NUDCD3: variants seen among roughly 807,000 people sequenced by gnomAD.
NUDCD3 encodes nudC domain-containing protein 3.
NUDCD3 carries 13 observed loss-of-function variants against 39.7 expected under a neutral mutation model. The ratio of observed to expected loss-of-function variants is 0.33; its 90% confidence interval spans 0.21 to 0.52. The LOEUF is 0.52. Ranked by LOEUF, NUDCD3 falls within the 20% of genes least tolerant of loss-of-function variation. The pLI, the probability that NUDCD3 is intolerant of heterozygous loss-of-function variation, is 0.96. For missense variants in NUDCD3, 453 were observed against 458.1 expected, an observed-to-expected ratio of 0.99 and a Z score of 0.10; for synonymous variants, 175 against 172.4, an observed-to-expected ratio of 1.02 and a Z score of -0.12.
intron 2 of NUDCD3, among the ~76,000 whole-genome samples, chr7:44,469,205 G>A (rs1800201476): frequency 6.8e-6 from 1 of 148,058 alleles, no homozygotes; most frequent in Non-Finnish European, 1.5e-5. Flanking sequence ...TCAACCCTAT[G>A]AGGAAGTGAC....
chr7:44,427,460 A>G, intron 3 of NUDCD3, 111 bp downstream of exon 3: 1 of 1,210,742 alleles, frequency 8.3e-7, no homozygotes, highest in Non-Finnish European at 1.2e-6. Context: ...AACACACCTC[A>G]CATCCTAAAG....
intron 2 of NUDCD3, among the ~76,000 whole-genome samples, chr7:44,457,560 T>C (rs1213949211): frequency 6.6e-6 from 1 of 152,090 alleles, no homozygotes; most frequent in Non-Finnish European, 1.5e-5. Context: ...CCATCTACAA[T>C]AGACTCAAAA....
chr7:44,482,957 T>C (rs1338605831), intron 2 of NUDCD3, among the ~76,000 whole-genome samples: 1 of 152,154 alleles, frequency 6.6e-6, no homozygotes, highest in Non-Finnish European at 1.5e-5. Context: ...AAGAAGTTAC[T>C]AGATGAGTTT....
chr7:44,460,953 G>T (rs926404237), intron 2 of NUDCD3, among the ~76,000 whole-genome samples: 1 of 152,182 alleles, frequency 6.6e-6, no homozygotes, highest in Non-Finnish European at 1.5e-5. Flanking sequence ...TTTTAAAAAT[G>T]TATTTGAACG....
At chr7:44,470,501 C>T (rs1308915708) in intron 2 of NUDCD3, among the ~76,000 whole-genome samples, 1 of 152,244 alleles carries the variant, frequency 6.6e-6, no homozygotes, top group Non-Finnish European at 1.5e-5. Flanking sequence ...TCAGATGCTG[C>T]TTCCACAGCA....
At chr7:44,402,768 C>T in intron 4 of NUDCD3, 1 of 449,018 alleles carries the variant, frequency 2.2e-6, no homozygotes, top group Non-Finnish European at 4.5e-6. Context: ...CTATCACGAC[C>T]TCTCAGTCCA....
chr7:44,397,263 C>T (rs943574189), intron 4 of NUDCD3, among the ~76,000 whole-genome samples: 1 of 152,340 alleles, frequency 6.6e-6, no homozygotes, highest in African/African-American at 2.4e-5. Flanking sequence ...AGGCAGACCA[C>T]ACACTTGTTT....
chr7:44,451,665 A>G (rs1469213435), intron 2 of NUDCD3, among the ~76,000 whole-genome samples: 3 of 152,030 alleles, frequency 2.0e-5, no homozygotes, highest in Admixed American at 1.3e-4. Context: ...GTCCGAAGAA[A>G]CTTCTGGGGG....
At chr7:44,445,994 C>T (rs768697345) in intron 2 of NUDCD3, among the ~76,000 whole-genome samples, 12 of 152,222 alleles carry the variant, frequency 7.9e-5, no homozygotes, top group Non-Finnish European at 1.6e-4. Flanking sequence ...AACAACACTT[C>T]CATTGCAGAA....
intron 2 of NUDCD3, among the ~76,000 whole-genome samples, chr7:44,453,401 T>C (rs1034787410): frequency 1.3e-5 from 2 of 151,914 alleles, no homozygotes; most frequent in African/African-American, 2.4e-5. Flanking sequence ...AAATAAACAA[T>C]GTCCATAGAA....
chr7:44,381,248 A>G lies in NUDCD3; in HGVS notation c.*4763T>C, dbSNP rs1798300416. Reference sequence around the variant, plus strand: ...ACAGTCCACTGGGAATGGGGCCTGCAGTGGCCCTGGATGATTTCAGTATCT... The same window carrying G: ...ACAGTCCACTGGGAATGGGGCCTGCGGTGGCCCTGGATGATTTCAGTATCT... On this transcript the variant is annotated 3_prime_UTR_variant, in exon 6 of 6. Coordinates refer to ENST00000355451, the MANE Select transcript of NUDCD3 (RefSeq NM_015332.4). 6.6e-6 allele frequency: 1 copy of G among 152,350 alleles called. No homozygotes were observed. The highest frequency in any genetic ancestry group is 1.5e-5 in the Non-Finnish European group (1 of 68,156). 9.4% of individuals were successfully genotyped at this position (152,350 alleles called of 1,614,324 possible).
intron 3 of NUDCD3, among the ~76,000 whole-genome samples, chr7:44,406,289 A>G (rs1034384164): frequency 2.6e-5 from 4 of 152,234 alleles, no homozygotes; most frequent in Non-Finnish European, 4.4e-5. Flanking sequence ...GACCTTTCAT[A>G]GGGGAATTTA....
At chr7:44,484,053 G>A (rs191998788) in intron 2 of NUDCD3, among the ~76,000 whole-genome samples, 9 of 152,232 alleles carry the variant, frequency 5.9e-5, no homozygotes, top group Admixed American at 2.0e-4. Context: ...CCCAAAACAC[G>A]TCAGAAAGAG....
intron 3 of NUDCD3, among the ~76,000 whole-genome samples, chr7:44,423,257 C>T (rs556054240): frequency 1.3e-5 from 2 of 152,336 alleles, no homozygotes; most frequent in African/African-American, 4.8e-5. Context: ...TCTCTCACCA[C>T]TCCTATTCAA....
Position 44,404,349 on chromosome 7 carries a change from C to A in NUDCD3, c.786+91G>T, listed in dbSNP as rs541241965. 16 of 1,344,744 alleles carry A rather than the reference C, an allele frequency of 1.2e-5. No homozygotes were observed. In the African/African-American group the frequency reaches 2.2e-4, roughly 18 times the overall value. 83.3% of individuals were successfully genotyped at this position (1,344,744 alleles called of 1,614,324 possible). A position where few individuals can be genotyped will look rare whatever the true frequency, so the allele number is the denominator to read the frequency against. On this transcript the variant is annotated intron_variant, in intron 4 of 5. Coordinates refer to ENST00000355451, the MANE Select transcript of NUDCD3 (RefSeq NM_015332.4). ...GCAGCTGAAATTAACAACCTCACTG[C>A]TTAAGTGTAAATAGGCTTGTTGGTC...
At chr7:44,422,686 C>T (rs528653477) in intron 3 of NUDCD3, among the ~76,000 whole-genome samples, 1 of 152,308 alleles carries the variant, frequency 6.6e-6, no homozygotes, top group South Asian at 2.1e-4. Context: ...GACGGATTCA[C>T]AGCCGAATTC....
intron 4 of NUDCD3, among the ~76,000 whole-genome samples, chr7:44,403,802 C>T (rs898305086): frequency 1.3e-4 from 20 of 152,288 alleles, no homozygotes; most frequent in Middle Eastern, 3.4e-3. Flanking sequence ...GCCCTGTAAA[C>T]ACCCCAGTAG....
intron 3 of NUDCD3, among the ~76,000 whole-genome samples, chr7:44,421,918 C>T (rs990278472): frequency 6.6e-5 from 10 of 152,104 alleles, no homozygotes; most frequent in South Asian, 2.1e-4. Context: ...TGCAAAAGAA[C>T]GGAAATCATA....
intron 3 of NUDCD3, among the ~76,000 whole-genome samples, chr7:44,419,259 G>A (rs1304585900): frequency 6.6e-6 from 1 of 152,158 alleles, no homozygotes; most frequent in African/African-American, 2.4e-5. Flanking sequence ...TGGCAAAGTG[G>A]CTGTGGCCAG....
Sources: gnomAD v4.1 joint callset for allele counts (sites outside exome capture counted in the v4.1 genomes callset) on GRCh38, gnomAD v4.1.1 for gene constraint, MANE v1.5 for transcripts, NCBI Gene and HGNC (gene_info 2026-07-23, HGNC 2026-07-21) for gene names.